USP38: variants seen among roughly 807,000 people sequenced by gnomAD.
USP38 encodes the protein ubiquitin specific peptidase 38, also known as ubiquitin carboxyl-terminal hydrolase 38.
A neutral mutation model predicts 94.3 loss-of-function variants in USP38; 49 were observed. That is an observed-to-expected ratio of 0.52 (90% CI 0.41 to 0.66). The LOEUF (loss-of-function observed/expected upper bound fraction) is 0.66. USP38 is among the 30% of genes least tolerant of loss of function. The pLI is 0.00. For missense variants in USP38, 1,128 were observed against 1,229.4 expected (o/e 0.92, Z 1.23); for synonymous variants, 468 against 463.6 (o/e 1.01, Z -0.12).
Position 143,213,947 on chromosome 4 carries a change from A to T in USP38, c.1971A>T (p.Pro657=). 1 of 1,613,716 alleles carries T rather than the reference A, an allele frequency of 6.2e-7. No homozygotes were observed. The highest frequency in any genetic ancestry group is 1.1e-5 in the South Asian group (1 of 91,064). The change falls in exon 9 of 10, where the codon CCA becomes CCT. Residue 657 remains proline, a synonymous_variant. Coordinates refer to ENST00000307017, the MANE Select transcript of USP38 (RefSeq NM_032557.6). ...CTGTACCCGGTCCTTCAGAAGAACC[A>T]GTAGTTTATAATCCAACAACAGCTG... ...QASVPGPSEE[P]VVYNPTTAAF... is the part of the protein sequence containing the mutation.
At chr4:143,212,975 A>G (rs192122048) in intron 8 of USP38, among the ~76,000 whole-genome samples, 19 of 152,322 alleles carry the variant, frequency 1.2e-4, no homozygotes, top group Admixed American at 1.2e-3. Flanking sequence ...GTAAATATCA[A>G]TAAATACAAC....
chr4:143,198,730 T>C (rs1731625490), intron 4 of USP38, among the ~76,000 whole-genome samples: 1 of 152,196 alleles, frequency 6.6e-6, no homozygotes, highest in South Asian at 2.1e-4. Flanking sequence ...TTGTAGTAAG[T>C]AAACCTTACT....
At chr4:143,213,471 G>T in intron 8 of USP38, 110 bp from the exon 9 acceptor site, 4 of 1,212,280 alleles carry the variant, frequency 3.3e-6, no homozygotes, top group Non-Finnish European at 3.3e-6. Flanking sequence ...AACCTGATTT[G>T]TTTACATTAA....
chr4:143,219,333 A>G (rs1020125487), intron 9 of USP38, among the ~76,000 whole-genome samples: 3 of 152,140 alleles, frequency 2.0e-5, no homozygotes, highest in African/African-American at 7.2e-5. Context: ...TTTTCTTCAT[A>G]ACGAAAAATT....
chr4:143,201,239 C>T (rs1190474363), intron 4 of USP38, among the ~76,000 whole-genome samples: 1 of 152,144 alleles, frequency 6.6e-6, no homozygotes, highest in East Asian at 1.9e-4. Flanking sequence ...ACACCTATGA[C>T]CATCTGATCT....
intron 6 of USP38, among the ~76,000 whole-genome samples, chr4:143,208,411 A>G (rs1164891941): frequency 1.3e-5 from 2 of 152,272 alleles, no homozygotes; most frequent in Non-Finnish European, 2.9e-5. Context: ...TCCTTTGAAT[A>G]TCTTTCAAAT....
Position 143,185,370 on chromosome 4 carries a change from C to T in USP38, c.-81C>T, listed in dbSNP as rs1000578612. On this transcript the variant is annotated 5_prime_UTR_variant, in exon 1 of 10. Transcript: ENST00000307017. ...CTGCGGCGCTCCAAGTTCATCTCCG[C>T]CCCGGGGCTCTCCTGCCCCACCTCG... The T allele has an allele frequency of 6.2e-6, 9 of 1,458,166 alleles. No individual in the cohort carries two copies. The African/African-American group carries it at 1.3e-4, about 21-fold the overall frequency. 90.3% of individuals were successfully genotyped at this position (1,458,166 alleles called of 1,614,324 possible).
chr4:143,201,021 A>G (rs1248026505), intron 4 of USP38, among the ~76,000 whole-genome samples: 2 of 152,226 alleles, frequency 1.3e-5, no homozygotes, highest in Admixed American at 6.5e-5. Context: ...AACTAAAAAA[A>G]CACTATTTTA....
chr4:143,215,142 A>G, intron 9 of USP38, 199 bp downstream of exon 9: 2 of 588,486 alleles, frequency 3.4e-6, no homozygotes, highest in South Asian at 4.4e-5. Flanking sequence ...AGTGGCAATT[A>G]GATGTAATGC....
chr4:143,212,302 C>T lies in USP38; in HGVS notation c.1498-16C>T. ...TAAGAATCACTTCCTTATATTTTCT[C>T]AATTGCTCTCAAAAGAGGGAAGCAT... On this transcript the variant is annotated splice_polypyrimidine_tract_variant and intron_variant, in intron 7 of 9. Transcript: ENST00000307017. The T allele has an allele frequency of 1.9e-6, 3 of 1,584,052 alleles. No homozygotes were observed. The highest frequency in any genetic ancestry group is 2.6e-6 in the Non-Finnish European group (3 of 1,162,324).
intron 2 of USP38, among the ~76,000 whole-genome samples, chr4:143,191,826 T>C (rs1731404196): frequency 6.6e-6 from 1 of 152,224 alleles, no homozygotes; most frequent in African/African-American, 2.4e-5. Flanking sequence ...TAAATCAGTA[T>C]ACCAGAGTTA....
chr4:143,193,956 G>A (rs1731472415), intron 2 of USP38, among the ~76,000 whole-genome samples: 1 of 152,186 alleles, frequency 6.6e-6, no homozygotes, highest in African/African-American at 2.4e-5. Flanking sequence ...TTGTGGTGAT[G>A]CACAGCTGTG....
intron 1 of USP38, 67 bp from the exon 2 acceptor site, chr4:143,187,759 G>C: frequency 6.7e-7 from 1 of 1,481,584 alleles, no homozygotes; most frequent in Non-Finnish European, 9.0e-7. Context: ...TTTTTGTAAA[G>C]TGTTGTTCTT....
At chr4:143,198,070 G>A (rs1731606087) in intron 4 of USP38, 146 bp downstream of exon 4, 2 of 595,602 alleles carry the variant, frequency 3.4e-6, no homozygotes, top group African/African-American at 1.9e-5. Flanking sequence ...CTAGAAAATT[G>A]AGATTGTGAG....
rs1257536721 is a variant in USP38 at position 143,220,814 on chromosome 4, A to T, written c.*358A>T. ...AAATGTAATTTATTTAGCATTCTTT[A>T]TAAAAGAATTGATGCTAGAGGTAAA... is the stretch of plus-strand genomic sequence containing the variant. On this transcript the variant is annotated 3_prime_UTR_variant, in exon 10 of 10. Coordinates refer to ENST00000307017, the MANE Select transcript of USP38 (RefSeq NM_032557.6). The T allele has an allele frequency of 1.3e-5, 2 of 158,020 alleles. No individual in the cohort carries two copies. Among genetic ancestry groups the T allele is most frequent in the Non-Finnish European group, 2.8e-5 (2 of 71,876 alleles). 9.8% of individuals were successfully genotyped at this position (158,020 alleles called of 1,614,324 possible). A position where few individuals can be genotyped will look rare whatever the true frequency, so the allele number is the denominator to read the frequency against.
In USP38 at chr4:143,213,729, T is replaced by G; in HGVS notation, c.1753T>G (p.Leu585Val). The G allele has an allele frequency of 6.2e-7, 1 of 1,613,724 alleles. No individual in the cohort carries two copies. The highest frequency in any genetic ancestry group is 8.5e-7 in the Non-Finnish European group (1 of 1,179,788). ...TPRTSDGEKT[L>V]IEKMFGGKLR... ...TCGTACAAGTGACGGTGAGAAGACT[T>G]TAATAGAAAAAATGTTTGGAGGAAA... Residue 585 changes from leucine to valine, a missense_variant, in exon 9 of 10, where the codon TTA becomes GTA. Coordinates refer to ENST00000307017, the MANE Select transcript of USP38 (RefSeq NM_032557.6).
rs1274779297 is a variant in USP38 at position 143,221,326 on chromosome 4, G to T, written c.*870G>T. 1 of 152,464 alleles carries T rather than the reference G, an allele frequency of 6.6e-6. No individual in the cohort carries two copies. Among genetic ancestry groups the T allele is most frequent in the East Asian group, 1.9e-4 (1 of 5,188 alleles). The allele number at this position is 152,464 out of a possible 1,614,324, so 9.4% of individuals were successfully genotyped here. On this transcript the variant is annotated 3_prime_UTR_variant, in exon 10 of 10. Coordinates refer to ENST00000307017, the MANE Select transcript of USP38 (RefSeq NM_032557.6). ...CATTAAAATTATAACTTTTTGAAAG[G>T]TAATAGATTTTCCAGAAGTAAAATC...
intron 6 of USP38, among the ~76,000 whole-genome samples, chr4:143,208,515 AT>A (rs1232645397): frequency 5.3e-5 from 8 of 152,082 alleles, no homozygotes; most frequent in African/African-American, 1.9e-4. Flanking sequence ...AGCCTTTTTA[AT>A]TTTTTGCCAA....
chr4:143,203,214 G>T (rs966688331), intron 4 of USP38, among the ~76,000 whole-genome samples, 194 bp from the exon 5 acceptor site: 2 of 152,096 alleles, frequency 1.3e-5, no homozygotes, highest in African/African-American at 4.8e-5. Flanking sequence ...TGAGATTACA[G>T]TCATATGCGA....
Sources: gnomAD v4.1 joint callset for allele counts (sites outside exome capture counted in the v4.1 genomes callset) on GRCh38, gnomAD v4.1.1 for gene constraint, MANE v1.5 for transcripts, NCBI Gene and HGNC (gene_info 2026-07-23, HGNC 2026-07-21) for gene names.